Variants in DPYD observed in about 807,000 individuals in gnomAD.
DPYD encodes the protein dihydropyrimidine dehydrogenase, also known as dihydropyrimidine dehydrogenase [NADP(+)].
In DPYD, 109 loss-of-function variants were observed where a neutral mutation model predicts 116.2. That is an observed-to-expected ratio of 0.94 (90% CI 0.80 to 1.10). The LOEUF (loss-of-function observed/expected upper bound fraction) is 1.10, where lower values mean the gene tolerates loss of function less well. Ranked by LOEUF, DPYD falls within the 50% of genes least tolerant of loss-of-function variation. The pLI is 0.00. For synonymous variants in DPYD, 440 were observed against 432.0 expected (o/e 1.02, Z -0.23); for missense variants, 1,302 against 1,254.5 (o/e 1.04, Z -0.57).
intron 3 of DPYD, among the ~76,000 whole-genome samples, chr1:97,763,164 C>T (rs1158294689): frequency 6.6e-6 from 1 of 152,028 alleles, no homozygotes; most frequent in Non-Finnish European, 1.5e-5. Context: ...TTTGATTAAA[C>T]TAATTTATGG....
At chr1:97,506,846 GA>G (rs1647372913) in intron 13 of DPYD, among the ~76,000 whole-genome samples, 1 of 151,992 alleles carries the variant, frequency 6.6e-6, no homozygotes, top group South Asian at 2.1e-4. Context: ...AATTGTGTTT[GA>G]AAGCATCTTA....
At chr1:97,336,512 GC>G (rs1179615791) in intron 16 of DPYD, among the ~76,000 whole-genome samples, 1 of 152,148 alleles carries the variant, frequency 6.6e-6, no homozygotes, top group African/African-American at 2.4e-5. Context: ...ACTTTGGGAG[GC>G]CGAGGTGGGC....
At chr1:97,912,665 G>T (rs1046748415) in intron 1 of DPYD, among the ~76,000 whole-genome samples, 1 of 151,918 alleles carries the variant, frequency 6.6e-6, no homozygotes, top group Non-Finnish European at 1.5e-5. Flanking sequence ...TCAAATCGGG[G>T]AAATAAAGCA....
chr1:97,724,984 A>AGAGAGG (rs1304899110), intron 4 of DPYD, among the ~76,000 whole-genome samples: 2 of 148,934 alleles, frequency 1.3e-5, no homozygotes, highest in Non-Finnish European at 3.0e-5. Context: ...AGAGAGAGAG[A>AGAGAGG]GAAAGTTATC....
At chr1:97,640,234 A>T (rs933515027) in intron 8 of DPYD, among the ~76,000 whole-genome samples, 2 of 152,114 alleles carry the variant, frequency 1.3e-5, no homozygotes, top group Non-Finnish European at 2.9e-5. Context: ...CAATTGTTGC[A>T]TTTAAGATTT....
intron 18 of DPYD, chr1:97,280,298 G>A (rs934771983): frequency 2.0e-5 from 3 of 151,796 alleles, no homozygotes; most frequent in Non-Finnish European, 4.4e-5. Context: ...ATTTATATAC[G>A]CATTGAAGGG....
rs1557938182 is a variant in DPYD, at chr1:97,206,666, ATATATATATATATATATATAT to A, written c.2443-13439_2443-13419del. Among the ~76,000 whole-genome samples, 92 of 119,440 alleles carry A rather than the reference ATATATATATATATATATATAT, an allele frequency of 7.7e-4. 2 individuals carry two copies. Among genetic ancestry groups the A allele is most frequent in the African/African-American group, 2.0e-3 (68 of 33,484 alleles). 78.4% of individuals were successfully genotyped at this position (119,440 alleles called of 152,430 possible). On this transcript the variant is annotated intron_variant, in intron 19 of 22. Coordinates refer to ENST00000370192, the MANE Select transcript of DPYD (RefSeq NM_000110.4). ...TATATATATATATATATATATATAT[ATATATATATATATATATATAT>A]AATCTATATGCTTATAATGCATATG...
At chr1:97,701,758 T>A (rs534893718) in intron 5 of DPYD, among the ~76,000 whole-genome samples, 6 of 151,992 alleles carry the variant, frequency 3.9e-5, no homozygotes, top group African/African-American at 1.4e-4. Context: ...AAGCATGAGA[T>A]GAAAGGTCCT....
At chr1:97,881,568 G>A (rs947683997) in intron 2 of DPYD, among the ~76,000 whole-genome samples, 1 of 151,864 alleles carries the variant, frequency 6.6e-6, no homozygotes, top group African/African-American at 2.4e-5. Flanking sequence ...ACTGTACCTT[G>A]GTTATTATTT....
chr1:97,234,236 T>C (rs1423139889), intron 19 of DPYD, among the ~76,000 whole-genome samples: 1 of 152,154 alleles, frequency 6.6e-6, no homozygotes, highest in Non-Finnish European at 1.5e-5. Context: ...AGCAACATTA[T>C]TTTTAAAAAG....
At chr1:97,585,078 C>T (rs1654002951) in intron 10 of DPYD, among the ~76,000 whole-genome samples, 1 of 151,900 alleles carries the variant, frequency 6.6e-6, no homozygotes, top group Non-Finnish European at 1.5e-5. Context: ...AACTTAAAGT[C>T]TTCCTATGAA....
Position 97,205,814 on chromosome 1 carries a change from G to T in DPYD, c.2443-12566C>A, listed in dbSNP as rs189193515. Among the ~76,000 whole-genome samples the T allele has an allele frequency of 2.7e-3, 416 of 152,114 alleles. 1 individual carries two copies. Among genetic ancestry groups the T allele is most frequent in the Non-Finnish European group, 4.7e-3 (318 of 67,996 alleles). On this transcript the variant is annotated intron_variant, in intron 19 of 22. Transcript: ENST00000370192. ...GAAACCCTACTGCTGGAGTCTGGCT[G>T]CTTTGCCACAGTGTTCTTTACATTT...
At chr1:97,789,109 G>A (rs1312516383) in intron 3 of DPYD, among the ~76,000 whole-genome samples, 1 of 152,064 alleles carries the variant, frequency 6.6e-6, no homozygotes, top group Non-Finnish European at 1.5e-5. Flanking sequence ...ACCTGTGGCT[G>A]AATAAAACCT....
intron 19 of DPYD, among the ~76,000 whole-genome samples, chr1:97,230,759 C>T (rs1017172462): frequency 4.6e-5 from 7 of 152,118 alleles, no homozygotes; most frequent in African/African-American, 1.7e-4. Flanking sequence ...GATAGAAGTT[C>T]AGAGGAGGCA....
chr1:97,615,987 A>G (rs1486374219), intron 8 of DPYD, among the ~76,000 whole-genome samples: 1 of 151,922 alleles, frequency 6.6e-6, no homozygotes, highest in Non-Finnish European at 1.5e-5. Context: ...GAAGCATATG[A>G]TACGTTAACT....
intron 8 of DPYD, among the ~76,000 whole-genome samples, chr1:97,613,651 A>G (rs1007884666): frequency 2.0e-5 from 3 of 152,060 alleles, no homozygotes; most frequent in Non-Finnish European, 2.9e-5. Flanking sequence ...AAATGGAAAG[A>G]GCTAGAGCAT....
At chr1:97,774,734 T>A (rs1341589783) in intron 3 of DPYD, 2 of 187,970 alleles carry the variant, frequency 1.1e-5, no homozygotes, top group African/African-American at 4.8e-5. Flanking sequence ...AAGTATCTTC[T>A]GGAGAGCACA....
At chr1:97,454,151 G>T (rs954125265) in intron 13 of DPYD, among the ~76,000 whole-genome samples, 2 of 151,852 alleles carry the variant, frequency 1.3e-5, no homozygotes, top group African/African-American at 4.8e-5. Context: ...TTTTATTCTA[G>T]ATTTTCTTTC....
chr1:97,477,037 G>A (rs1276779203), intron 13 of DPYD, among the ~76,000 whole-genome samples: 1 of 152,190 alleles, frequency 6.6e-6, no homozygotes, highest in African/African-American at 2.4e-5. Flanking sequence ...GTTGCTGGCT[G>A]CTTACTGATC....
Sources: gnomAD v4.1 joint callset for allele counts (sites outside exome capture counted in the v4.1 genomes callset) on GRCh38, gnomAD v4.1.1 for gene constraint, MANE v1.5 for transcripts, NCBI Gene and HGNC (gene_info 2026-07-23, HGNC 2026-07-21) for gene names.